The following HPF1 variants were observed in gnomAD, a reference collection of about 807,000 sequenced individuals.
HPF1 encodes histone PARylation factor 1.
A neutral mutation model predicts 38.8 loss-of-function variants in HPF1; 35 were observed. The ratio of observed to expected loss-of-function variants is 0.90; its 90% CI spans 0.69 to 1.19. HPF1 has a LOEUF of 1.19. Among genes scored for constraint, HPF1 ranks in the 50% most tolerant of loss-of-function variants. HPF1 has a pLI of 0.00. For missense variants in HPF1, 367 were observed against 405.8 expected (o/e 0.90, Z 0.82); for synonymous variants, 115 against 139.2 (o/e 0.83, Z 1.22).
intron 6 of HPF1, among the ~76,000 whole-genome samples, chr4:169,736,607 T>C (rs1733898462): frequency 6.6e-6 from 1 of 152,104 alleles, no homozygotes; most frequent in South Asian, 2.1e-4. Context: ...CTTTAGAGAA[T>C]TGGTTTAAAT....
At chr4:169,744,835 T>G (rs1005757027) in intron 4 of HPF1, among the ~76,000 whole-genome samples, 1 of 151,708 alleles carries the variant, frequency 6.6e-6, no homozygotes, top group African/African-American at 2.4e-5. Flanking sequence ...TTTTTTTGCA[T>G]TCCAATCTTG....
chr4:169,748,857 G>C lies in HPF1; in HGVS notation c.399-15C>G. On this transcript the variant is annotated splice_polypyrimidine_tract_variant and intron_variant, in intron 3 of 7. Transcript: ENST00000393381. Reference sequence around the variant, plus strand: ...CAGGAGAATCCCTGTGTAAGCAAAAGACATTAAAAATTTAGCTGCCCATAA... The same window carrying C: ...CAGGAGAATCCCTGTGTAAGCAAAACACATTAAAAATTTAGCTGCCCATAA... The C allele has an allele frequency of 1.6e-6, 2 of 1,261,990 alleles. No homozygotes were observed. The highest frequency in any genetic ancestry group is 2.2e-6 in the Non-Finnish European group (2 of 901,908). 78.2% of individuals were successfully genotyped at this position (1,261,990 alleles called of 1,614,324 possible). A position where few individuals can be genotyped will look rare whatever the true frequency, so the allele number is the denominator to read the frequency against.
chr4:169,747,003 A>T (rs59008271), intron 4 of HPF1, among the ~76,000 whole-genome samples: 3 of 150,756 alleles, frequency 2.0e-5, no homozygotes, highest in African/African-American at 7.3e-5. Flanking sequence ...AAAAAAAAAA[A>T]AAAACATGAC....
intron 6 of HPF1, among the ~76,000 whole-genome samples, chr4:169,734,150 ACCTTTT>A (rs1733865299): frequency 1.3e-5 from 2 of 152,212 alleles, no homozygotes; most frequent in African/African-American, 2.4e-5. Context: ...TTGGTTTGAA[ACCTTTT>A]ACAAATTAAA....
Position 169,757,823 on chromosome 4 carries a change from G to T in HPF1, c.48+7C>A, listed in dbSNP as rs1734209941. 6.4e-7 allele frequency: 1 copy of T among 1,562,124 alleles called. No individual in the cohort carries two copies. Among genetic ancestry groups the T allele is most frequent in the African/African-American group, 1.4e-5 (1 of 73,860 alleles). ...CCGCGTAGCCCGCACAGCCTTTCCG[G>T]CAGTACCTGCGGCCCCTCTCCGCCG... is the stretch of plus-strand genomic sequence containing the variant. On this transcript the variant is annotated splice_region_variant and intron_variant, in intron 1 of 7. Transcript: ENST00000393381.
intron 6 of HPF1, among the ~76,000 whole-genome samples, chr4:169,734,279 G>A (rs1733866487): frequency 6.6e-6 from 1 of 152,160 alleles, no homozygotes; most frequent in East Asian, 1.9e-4. Context: ...GAAAATAAGT[G>A]GTTCCTCCCT....
intron 6 of HPF1, among the ~76,000 whole-genome samples, chr4:169,733,878 G>C (rs1733861009): frequency 7.2e-6 from 1 of 138,000 alleles, no homozygotes; most frequent in Non-Finnish European, 1.5e-5. Context: ...CTGGGTGACA[G>C]AGTAAGACCC....
chr4:169,742,095 C>G lies in HPF1; in HGVS notation c.510G>C (p.Thr170=). Residue 170 remains threonine, a synonymous_variant, in exon 5 of 8, where the codon ACG becomes ACC. Transcript: ENST00000393381. ...TATCCGTTATTTCTCTAAGTTTTTT[C>G]GTCAAAAATAATCTGAAAAAGAAGT... is the stretch of plus-strand genomic sequence containing the variant. ...NVFAAVKLFL[T]KKLREITDKK... is the part of the protein sequence containing the mutation. The G allele has an allele frequency of 6.2e-7, 1 of 1,610,486 alleles. No individual in the cohort carries two copies. The highest frequency in any genetic ancestry group is 1.7e-4 in the Middle Eastern group (1 of 5,850).
Position 169,755,069 on chromosome 4 carries a change from C to G in HPF1, c.49-1234G>C, listed in dbSNP as rs547782242. Among the ~76,000 whole-genome samples the G allele has an allele frequency of 1.5e-3, 214 of 138,082 alleles. 3 individuals carry two copies. Among genetic ancestry groups the G allele is most frequent in the African/African-American group, 4.9e-3 (175 of 35,418 alleles). 90.6% of individuals were successfully genotyped at this position (138,082 alleles called of 152,430 possible). On this transcript the variant is annotated intron_variant, in intron 1 of 7. Coordinates refer to ENST00000393381, the MANE Select transcript of HPF1 (RefSeq NM_017867.3). ...TCCTAATGCTATCCCTCCCCCCGCC[C>G]CCTCATATTTATATTCTTCTATTTT...
Position 169,753,747 on chromosome 4 carries a change from T to G in HPF1, c.137A>C (p.Lys46Thr), listed in dbSNP as rs1324246901. The G allele has an allele frequency of 3.1e-6, 5 of 1,613,234 alleles. No individual in the cohort carries two copies. In the Admixed American group the frequency reaches 5.0e-5, roughly 16 times the overall value. Residue 46 changes from lysine (K) to threonine (T), a missense_variant, in exon 2 of 8, where the codon AAG becomes ACG. Transcript: ENST00000393381. ...ATAGAAATCTTCAGGTAAAGAAAGC[T>G]TATAATGATTTTCTACTTCTTTTCG... ...DLRKEVENHY[K>T]LSLPEDFYHF...
intron 4 of HPF1, among the ~76,000 whole-genome samples, chr4:169,743,330 G>A (rs1024626312): frequency 2.0e-5 from 3 of 149,086 alleles, no homozygotes; most frequent in Admixed American, 1.3e-4. Flanking sequence ...GGGTGGTCTC[G>A]AACTCCTGAC....
chr4:169,735,425 C>T (rs1475663647), intron 6 of HPF1, among the ~76,000 whole-genome samples: 2 of 152,196 alleles, frequency 1.3e-5, no homozygotes, highest in Non-Finnish European at 2.9e-5. Context: ...AACTGCCAGT[C>T]AGTTATACCT....
chr4:169,743,231 T>TC (rs1451629519), intron 4 of HPF1, among the ~76,000 whole-genome samples: 1 of 151,374 alleles, frequency 6.6e-6, no homozygotes, highest in African/African-American at 2.4e-5. Flanking sequence ...TGACTCAGCC[T>TC]CCCGAGTAGC....
rs1353654440 is a variant in HPF1, at chr4:169,753,601, G to A, written c.208+75C>T. The A allele has an allele frequency of 9.4e-6, 12 of 1,278,446 alleles. No homozygotes were observed. In the African/African-American group the frequency reaches 1.6e-4, roughly 17 times the overall value. The allele number at this position is 1,278,446 out of a possible 1,614,324, so 79.2% of individuals were successfully genotyped here. A position where few individuals can be genotyped will look rare whatever the true frequency, so the allele number is the denominator to read the frequency against. ...TGCCTCAGCTGGGATTACAGAGTGT[G>A]AGCCACCACACCCAGCTGGTTTCCT... is the stretch of plus-strand genomic sequence containing the variant. On this transcript the variant is annotated intron_variant, in intron 2 of 7. Coordinates refer to ENST00000393381, the MANE Select transcript of HPF1 (RefSeq NM_017867.3).
At position 169,748,835 on chromosome 4, in the gene HPF1, G is replaced by A; in HGVS notation, c.406C>T (p.Pro136Ser). Residue 136 changes from proline to serine, a missense_variant, in exon 4 of 8, where the codon CCT becomes TCT. By Grantham distance (74) the Pro-to-Ser change is moderately conservative. Transcript: ENST00000393381. ...QYHMGYFRDS[P>S]DEFPVYVGIN... ...CCAACATATACAGGAAATTCATCAG[G>A]AGAATCCCTGTGTAAGCAAAAGACA... 6.9e-7 allele frequency: 1 copy of A among 1,446,086 alleles called. No individual in the cohort carries two copies. Among genetic ancestry groups the A allele is most frequent in the Non-Finnish European group, 9.4e-7 (1 of 1,062,040 alleles). The allele number at this position is 1,446,086 out of a possible 1,614,324, so 89.6% of individuals were successfully genotyped here.
At chr4:169,730,039 A>C (rs1363926011) in intron 7 of HPF1, among the ~76,000 whole-genome samples, 1 of 152,250 alleles carries the variant, frequency 6.6e-6, no homozygotes, top group Non-Finnish European at 1.5e-5. Context: ...ATTCCCAGGC[A>C]AAAGTTTAAG....
chr4:169,746,164 T>C lies in HPF1; in HGVS notation c.497+2580A>G, dbSNP rs150612581. On this transcript the variant is annotated intron_variant, in intron 4 of 7. Transcript: ENST00000393381. ...CTTCATAACAAATTCAACAAATCAA[T>C]ACCAAAGTATTATAGTATATGGATA... 8.7e-4 allele frequency among the ~76,000 whole-genome samples: 132 copies of C among 152,322 alleles called. 1 individual carries two copies. Among genetic ancestry groups the C allele is most frequent in the African/African-American group, 3.1e-3 (128 of 41,590 alleles).
intron 5 of HPF1, 46 bp from the exon 6 acceptor site, chr4:169,737,793 CA>C (rs369063413): frequency 0.047 from 41,077 of 878,544 alleles, 1 homozygote; most frequent in East Asian, 0.072. Flanking sequence ...AAGCAGACAT[CA>C]AAAAAAAAAA....
chr4:169,741,023 A>G (rs1188869339), intron 5 of HPF1, among the ~76,000 whole-genome samples: 1 of 152,212 alleles, frequency 6.6e-6, no homozygotes, highest in Non-Finnish European at 1.5e-5. Context: ...GCAATATAAA[A>G]TCTTAATATT....
Sources: gnomAD v4.1 joint callset for allele counts (sites outside exome capture counted in the v4.1 genomes callset) on GRCh38, gnomAD v4.1.1 for gene constraint, MANE v1.5 for transcripts, NCBI Gene and HGNC (gene_info 2026-07-23, HGNC 2026-07-21) for gene names.